Variants in ABCA4 observed in about 807,000 individuals in gnomAD.
The protein encoded by ABCA4 is retinal-specific phospholipid-transporting ATPase ABCA4.
A neutral mutation model predicts 263.7 loss-of-function variants in ABCA4; 196 were observed. The observed-to-expected ratio is 0.74, with a 90% CI of 0.66 to 0.84. The LOEUF (loss-of-function observed/expected upper bound fraction) is 0.84, where lower values mean the gene tolerates loss of function less well. Ranked by LOEUF, ABCA4 falls within the 40% of genes least tolerant of loss-of-function variation. The pLI is 0.00. For synonymous variants in ABCA4, 1,133 were observed against 1,094.2 expected (o/e 1.04, Z -0.70); for missense variants, 2,792 against 2,855.1 (o/e 0.98, Z 0.50).
intron 38 of ABCA4, 84 bp downstream of exon 38, chr1:94,014,459 G>C: frequency 6.7e-7 from 1 of 1,502,968 alleles, no homozygotes; most frequent in Non-Finnish European, 9.2e-7. Context: ...CTACATGTAC[G>C]ATGCTTGCCC....
In ABCA4 at chr1:94,093,613, G is replaced by A. The variant is rs146352167; in HGVS notation, c.768+5181C>T. On this transcript the variant is annotated intron_variant, in intron 6 of 49. Coordinates refer to ENST00000370225, the MANE Select transcript of ABCA4 (RefSeq NM_000350.3). ...CCTGCTCTTGTCTTAAGTGACTTCA[G>A]TTTTGACTTCTCAGTATTTCTTTCT... 1.9e-3 allele frequency among the ~76,000 whole-genome samples: 285 copies of A among 151,330 alleles called. 3 individuals are homozygous for A. Among genetic ancestry groups the A allele is most frequent in the African/African-American group, 6.6e-3 (271 of 41,194 alleles).
chr1:94,085,974 C>G (rs927865833), intron 6 of ABCA4, among the ~76,000 whole-genome samples: 5 of 152,172 alleles, frequency 3.3e-5, no homozygotes, highest in Admixed American at 6.5e-5. Context: ...CAGCCACGCT[C>G]TCTTTAGGAG....
chr1:94,002,882 CT>C (rs61192958), intron 44 of ABCA4, among the ~76,000 whole-genome samples: 19,397 of 152,156 alleles, frequency 0.13, 2,064 homozygotes, highest in African/African-American at 0.29. Flanking sequence ...ATCCCTCCCA[CT>C]AGAATGTAAT....
chr1:94,078,840 A>C (rs1437617199), intron 9 of ABCA4, 134 bp from the exon 10 acceptor site: 1 of 759,454 alleles, frequency 1.3e-6, no homozygotes, highest in Non-Finnish European at 2.4e-6. Context: ...TTATTTTCTC[A>C]GTCTATTGCT....
intron 42 of ABCA4, 129 bp from the exon 43 acceptor site, chr1:94,007,869 C>A: frequency 1.2e-6 from 1 of 806,946 alleles, no homozygotes; most frequent in Non-Finnish European, 2.1e-6. Context: ...AGGCCACGAG[C>A]CATATGTGGC....
chr1:94,001,955 ACAGT>A lies in ABCA4; in HGVS notation c.6181_6184del (p.Thr2061SerfsTer53), dbSNP rs1659200106. On this transcript the variant is annotated frameshift_variant, in exon 45 of 50. Coordinates refer to ENST00000370225, the MANE Select transcript of ABCA4 (RefSeq NM_000350.3). LOFTEE classifies it high-confidence loss of function. ...CGTGCCAGCCAGGCAGTCGGCGTAG[ACAGT>A]CAGGCCCAGGCTCTTAATACTCCAG... The A allele has an allele frequency of 3.1e-6, 5 of 1,614,104 alleles. No homozygotes were observed. Among genetic ancestry groups the A allele is most frequent in the Middle Eastern group, 1.6e-4 (1 of 6,084 alleles).
At chr1:94,011,462 C>T in intron 38 of ABCA4, 77 bp from the exon 39 acceptor site, 1 of 1,606,054 alleles carries the variant, frequency 6.2e-7, no homozygotes, top group Admixed American at 1.7e-5. Flanking sequence ...GGCCCAGATG[C>T]TCTCACAGGA....
At chr1:94,107,546 C>T (rs893076428) in intron 4 of ABCA4, among the ~76,000 whole-genome samples, 2 of 152,200 alleles carry the variant, frequency 1.3e-5, no homozygotes, top group African/African-American at 2.4e-5. Flanking sequence ...TTGTTCTTCT[C>T]CTGGGGAGGA....
chr1:94,016,832 C>T (rs1395646368), intron 36 of ABCA4, among the ~76,000 whole-genome samples: 2 of 152,172 alleles, frequency 1.3e-5, no homozygotes, highest in African/African-American at 4.8e-5. Context: ...GCACTCAGAC[C>T]TTGGCTTCTG....
At chr1:94,065,874 A>G (rs1289092512) in intron 11 of ABCA4, among the ~76,000 whole-genome samples, 1 of 152,194 alleles carries the variant, frequency 6.6e-6, no homozygotes, top group Non-Finnish European at 1.5e-5. Flanking sequence ...TTAAAAGGAA[A>G]TGGAATTGGT....
chr1:94,029,195 A>AT (rs1229553901), intron 30 of ABCA4, among the ~76,000 whole-genome samples: 3 of 152,186 alleles, frequency 2.0e-5, no homozygotes, highest in East Asian at 3.9e-4. Context: ...GCTTAAACAC[A>AT]TTTTTTCTAC....
At chr1:94,074,370 T>C in intron 11 of ABCA4, among the ~76,000 whole-genome samples, 1 of 152,188 alleles carries the variant, frequency 6.6e-6, no homozygotes, top group East Asian at 1.9e-4. Flanking sequence ...TAACTCAAGC[T>C]GGATTAAAGA....
At chr1:94,048,255 G>A (rs1294524609) in intron 18 of ABCA4, among the ~76,000 whole-genome samples, 1 of 152,228 alleles carries the variant, frequency 6.6e-6, no homozygotes, top group African/African-American at 2.4e-5. Flanking sequence ...AAATGCGTAT[G>A]CTTAGGGAAT....
Position 94,051,807 on chromosome 1 carries a change from T to C in ABCA4, c.2588-109A>G, listed in dbSNP as rs1323915067. On this transcript the variant is annotated intron_variant, in intron 16 of 49. Coordinates refer to ENST00000370225, the MANE Select transcript of ABCA4 (RefSeq NM_000350.3). ...ATTTACCTGAACCTCAAATTGTAAC[T>C]ATAGATATTTGCAGTTATTATTACA... 2.0e-5 allele frequency: 17 copies of C among 830,672 alleles called. No individual in the cohort carries two copies. In the East Asian group the frequency reaches 4.5e-4, roughly 22 times the overall value. 51.5% of individuals were successfully genotyped at this position (830,672 alleles called of 1,614,324 possible).
Position 94,048,943 on chromosome 1 carries a change from C to T in ABCA4, c.2668G>A (p.Glu890Lys). Residue 890 changes from glutamate to lysine, a missense_variant, in exon 18 of 50, where the codon GAA becomes AAA. By Grantham distance (56) the Glu-to-Lys change is moderately conservative. Transcript: ENST00000370225. ...TCGGTCTTTTCCAGGGCTCTTTCTT[C>T]TCTGGTTGAACACCCTGCACCAATC... is the stretch of plus-strand genomic sequence containing the variant. ...WLGGEGCSTR[E>K]ERALEKTEPL... The T allele has an allele frequency of 6.2e-7, 1 of 1,614,056 alleles. No individual in the cohort carries two copies. The highest frequency in any genetic ancestry group is 8.5e-7 in the Non-Finnish European group (1 of 1,180,030).
chr1:94,047,524 C>G (rs1660717953), intron 18 of ABCA4, among the ~76,000 whole-genome samples: 1 of 152,190 alleles, frequency 6.6e-6, no homozygotes, highest in South Asian at 2.1e-4. Flanking sequence ...CAAGCTCAAC[C>G]TTGGTCCTAG....
rs371923043 is a variant in ABCA4 at position 94,081,226 on chromosome 1, AAACAAC to A, written c.859-514_859-509del. The stretch of plus-strand genomic sequence containing the variant: ...GGCGACTGAGCAATACTCCGTCTCA[AAACAAC>A]AACAACAACAACAACAAATCACAGA... On this transcript the variant is annotated intron_variant, in intron 7 of 49. Coordinates refer to ENST00000370225, the MANE Select transcript of ABCA4 (RefSeq NM_000350.3). 0.012 allele frequency among the ~76,000 whole-genome samples: 1,822 copies of A among 152,052 alleles called. 36 individuals are homozygous for A. Among genetic ancestry groups the A allele is most frequent in the African/African-American group, 0.042 (1,723 of 41,462 alleles).
chr1:94,006,934 G>A (rs1557761854), intron 43 of ABCA4, among the ~76,000 whole-genome samples: 1 of 152,216 alleles, frequency 6.6e-6, no homozygotes, highest in Non-Finnish European at 1.5e-5. Context: ...AGAGGCAGAT[G>A]AGTGAGAGCT....
chr1:94,030,725 C>G (rs1660175946), intron 28 of ABCA4, among the ~76,000 whole-genome samples, 199 bp from the exon 29 acceptor site: 1 of 152,190 alleles, frequency 6.6e-6, no homozygotes. Flanking sequence ...GTCACCTATG[C>G]CTCAAAAAGA....
Sources: allele counts gnomAD v4.1 joint callset (sites outside exome capture counted in the v4.1 genomes callset), GRCh38; gene constraint gnomAD v4.1.1; transcripts MANE v1.5; gene names NCBI Gene and HGNC (gene_info 2026-07-23, HGNC 2026-07-21).